Variants in YTHDF3 observed in about 807,000 individuals in gnomAD.
The protein encoded by YTHDF3 is YTH N6-methyladenosine RNA binding protein F3.
A neutral mutation model predicts 52.5 loss-of-function variants in YTHDF3; 9 were observed. That is an observed-to-expected ratio of 0.17 (90% CI 0.10 to 0.30). The LOEUF (loss-of-function observed/expected upper bound fraction) is 0.30, where lower values mean the gene tolerates loss of function less well. Among genes scored for constraint, YTHDF3 ranks in the 10% least tolerant of loss-of-function variants. YTHDF3 has a pLI of 1.00. For missense variants in YTHDF3, 534 were observed against 715.0 expected (o/e 0.75, Z 2.89); for synonymous variants, 274 against 243.3 (o/e 1.13, Z -1.18).
intron 4 of YTHDF3, 95 bp from the exon 5 acceptor site, chr8:63,209,588 T>A: frequency 8.3e-7 from 1 of 1,204,440 alleles, no homozygotes; most frequent in Non-Finnish European, 1.1e-6. Context: ...TATATGGAGA[T>A]GATTTACATT....
chr8:63,199,052 A>C (rs1381714124), intron 4 of YTHDF3, among the ~76,000 whole-genome samples: 1 of 152,172 alleles, frequency 6.6e-6, no homozygotes. Context: ...TTTTTACTGC[A>C]GTATTACTCT....
rs768976478 is a variant in YTHDF3 at position 63,209,675 on chromosome 8, T to TG, written c.1735-8_1735-7insG. 8 of 1,570,720 alleles carry TG rather than the reference T, an allele frequency of 5.1e-6. No individual in the cohort carries two copies. The African/African-American group carries it at 9.6e-5, about 19-fold the overall frequency. ...TCTTTTTGTGTGTGTGTGTTTTTTT[T>TG]TTTTCAGGAGAGAAATAGAAACAAA... On this transcript the variant is annotated splice_region_variant and splice_polypyrimidine_tract_variant and intron_variant, in intron 4 of 4. Coordinates refer to ENST00000539294, the MANE Select transcript of YTHDF3 (RefSeq NM_152758.6).
At chr8:63,208,831 G>T (rs1051568863) in intron 4 of YTHDF3, among the ~76,000 whole-genome samples, 18 of 152,030 alleles carry the variant, frequency 1.2e-4, no homozygotes, top group Admixed American at 9.2e-4. Flanking sequence ...GCCAGCATTC[G>T]ACTGAATTTG....
At chr8:63,188,690 T>C (rs1808696333) in intron 4 of YTHDF3, 1 of 66,656 alleles carries the variant, frequency 1.5e-5, no homozygotes, top group African/African-American at 6.5e-5. Context: ...TATATATATA[T>C]ATATATATAT....
Position 63,210,452 on chromosome 8 carries a change from C to T in YTHDF3, c.*746C>T, listed in dbSNP as rs1018705668. On this transcript the variant is annotated 3_prime_UTR_variant, in exon 5 of 5. Coordinates refer to ENST00000539294, the MANE Select transcript of YTHDF3 (RefSeq NM_152758.6). ...TGAGGAATTATTTTGTTTGCTACCA[C>T]TTAATGAATCTCAAAATTTTGAGTA... 2.0e-5 allele frequency: 3 copies of T among 152,550 alleles called. No homozygotes were observed. Among genetic ancestry groups the T allele is most frequent in the African/African-American group, 7.2e-5 (3 of 41,410 alleles). The allele number at this position is 152,550 out of a possible 1,614,324, so 9.4% of individuals were successfully genotyped here.
Position 63,183,085 on chromosome 8 carries a change from C to T in YTHDF3, c.136-3062C>T, listed in dbSNP as rs555228375. ...GATTCTCCTGCCTCACTCAGCCTCC[C>T]GAGTAGCTGGGATTACAGGTGTATG... On this transcript the variant is annotated intron_variant, in intron 3 of 4. Transcript: ENST00000539294. 1.4e-4 allele frequency among the ~76,000 whole-genome samples: 22 copies of T among 151,826 alleles called. No homozygotes were observed. The South Asian group carries it at 3.3e-3, about 23-fold the overall frequency.
At position 63,168,845 on chromosome 8, in the gene YTHDF3, G is replaced by T; in HGVS notation, c.-33G>T. 6.4e-7 allele frequency: 1 copy of T among 1,553,464 alleles called. No individual in the cohort carries two copies. On this transcript the variant is annotated 5_prime_UTR_variant, in exon 1 of 5. Transcript: ENST00000539294. ...TGCACGGGGAGAGGCCCAGGCAGCGGCGGCGGCGGCGGCTCTCGGGTTGCG... is the reference window on the plus strand; with the variant it reads ...TGCACGGGGAGAGGCCCAGGCAGCGTCGGCGGCGGCGGCTCTCGGGTTGCG...
Position 63,188,678 on chromosome 8 carries a change from C to CATATATATAT in YTHDF3, c.1734+948_1734+957dup, listed in dbSNP as rs1166458271. On this transcript the variant is annotated intron_variant, in intron 4 of 4. Coordinates refer to ENST00000539294, the MANE Select transcript of YTHDF3 (RefSeq NM_152758.6). ...CTAATTTTGTGTTTATAAGAAATTACATATATATATATATATATATATATT... is the reference window on the plus strand; with the variant it reads ...CTAATTTTGTGTTTATAAGAAATTACATATATATATATATATATATATATATATATATATT... 192 of 61,926 alleles carry CATATATATAT rather than the reference C, an allele frequency of 3.1e-3. 12 individuals carry two copies. Among genetic ancestry groups the CATATATATAT allele is most frequent in the East Asian group, 0.016 (27 of 1,714 alleles). 3.8% of individuals were successfully genotyped at this position (61,926 alleles called of 1,614,324 possible).
intron 1 of YTHDF3, 132 bp from the exon 2 acceptor site, chr8:63,169,255 G>GA: frequency 7.5e-7 from 1 of 1,326,678 alleles, no homozygotes; most frequent in Non-Finnish European, 1.0e-6. Flanking sequence ...GGTGGCTGTG[G>GA]AGGATATGGT....
intron 4 of YTHDF3, among the ~76,000 whole-genome samples, chr8:63,205,960 T>C (rs1028370237): frequency 1.3e-5 from 2 of 152,188 alleles, no homozygotes; most frequent in East Asian, 1.9e-4. Flanking sequence ...CTGTGGACTT[T>C]CAAATTTGTA....
chr8:63,191,330 C>T (rs997713716), intron 4 of YTHDF3, among the ~76,000 whole-genome samples: 4 of 152,122 alleles, frequency 2.6e-5, no homozygotes, highest in Admixed American at 6.5e-5. Context: ...TTCTTTTTCT[C>T]TTCATTTGGA....
intron 4 of YTHDF3, among the ~76,000 whole-genome samples, chr8:63,209,300 T>C (rs1248229284): frequency 6.6e-6 from 1 of 152,218 alleles, no homozygotes; most frequent in Admixed American, 6.5e-5. Flanking sequence ...TGCAATTTAA[T>C]GTAACTTTTA....
chr8:63,186,758 A>C lies in YTHDF3; in HGVS notation c.747A>C (p.Gln249His). 6.2e-7 allele frequency: 1 copy of C among 1,613,904 alleles called. No individual in the cohort carries two copies. Among genetic ancestry groups the C allele is most frequent in the Non-Finnish European group, 8.5e-7 (1 of 1,179,884 alleles). Residue 249 changes from glutamine (Q) to histidine (H), a missense_variant, in exon 4 of 5, where the codon CAA becomes CAC. Physicochemically the swap from Gln to His is conservative, Grantham distance 24. Coordinates refer to ENST00000539294, the MANE Select transcript of YTHDF3 (RefSeq NM_152758.6). ...AAIARKPAKP[Q>H]PKLKPKGNVG... Reference sequence around the variant, plus strand: ...TTGCCAGAAAGCCTGCCAAACCTCAACCGAAACTTAAACCCAAGGGCAATG... The same window carrying C: ...TTGCCAGAAAGCCTGCCAAACCTCACCCGAAACTTAAACCCAAGGGCAATG...
upstream of YTHDF3, chr8:63,168,566 T>G: frequency 1.4e-5 from 7 of 494,346 alleles, no homozygotes; most frequent in South Asian, 4.9e-5. Flanking sequence ...AAGAGCGAGG[T>G]GAGCGCGGAC....
intron 4 of YTHDF3, among the ~76,000 whole-genome samples, chr8:63,206,674 A>G (rs1375138117): frequency 6.6e-6 from 1 of 152,200 alleles, no homozygotes; most frequent in Admixed American, 6.5e-5. Context: ...TTCATTTACT[A>G]ATAATACTAA....
intron 2 of YTHDF3, among the ~76,000 whole-genome samples, chr8:63,171,067 C>T (rs1807292693): frequency 6.6e-6 from 1 of 152,170 alleles, no homozygotes; most frequent in African/African-American, 2.4e-5. Flanking sequence ...TATTCAGACA[C>T]ATACACAAAG....
At chr8:63,187,775 T>A in intron 4 of YTHDF3, 30 bp downstream of exon 4, 1 of 1,546,544 alleles carries the variant, frequency 6.5e-7, no homozygotes, top group Non-Finnish European at 8.7e-7. Flanking sequence ...TTGTTTGGGG[T>A]CTTTGTATTG....
chr8:63,173,731 C>G (rs1157332506), intron 2 of YTHDF3: 8 of 972,222 alleles, frequency 8.2e-6, no homozygotes, highest in Non-Finnish European at 9.8e-6. Context: ...CTTATAATGG[C>G]ACTAGAAGTA....
intron 3 of YTHDF3, among the ~76,000 whole-genome samples, chr8:63,180,308 C>T (rs1183087175): frequency 6.7e-6 from 1 of 149,432 alleles, no homozygotes; most frequent in African/African-American, 2.5e-5. Context: ...GGCGGCAGGG[C>T]AGAGGTGCTC....
Sources: gnomAD v4.1 joint callset for allele counts (sites outside exome capture counted in the v4.1 genomes callset) on GRCh38, gnomAD v4.1.1 for gene constraint, MANE v1.5 for transcripts, NCBI Gene and HGNC (gene_info 2026-07-23, HGNC 2026-07-21) for gene names.